PEX5L: variants seen among roughly 807,000 people sequenced by gnomAD.
The protein encoded by PEX5L is PEX5-related protein.
Under a neutral mutation model 84.0 loss-of-function variants are expected in PEX5L, and 30 were observed. The observed-to-expected ratio is 0.36, with a 90% confidence interval of 0.27 to 0.48. The LOEUF (loss-of-function observed/expected upper bound fraction) is 0.48, where lower values mean the gene tolerates loss of function less well. Ranked by LOEUF, PEX5L falls within the 20% of genes least tolerant of loss-of-function variation. The pLI is 0.99. For synonymous variants in PEX5L, 270 were observed against 283.1 expected (o/e 0.95, Z 0.46); for missense variants, 533 against 754.6 (o/e 0.71, Z 3.44).
intron 8 of PEX5L, among the ~76,000 whole-genome samples, chr3:179,830,354 A>G (rs561583481): frequency 7.5e-6 from 1 of 133,198 alleles, no homozygotes; most frequent in South Asian, 2.6e-4. Context: ...CAAAGTCTGG[A>G]TCTGGCTTCT....
chr3:179,966,030 G>T (rs1189671923), intron 2 of PEX5L, among the ~76,000 whole-genome samples: 4 of 152,142 alleles, frequency 2.6e-5, no homozygotes, highest in Non-Finnish European at 5.9e-5. Flanking sequence ...CTCCAATGCT[G>T]ATTTCAGATA....
In PEX5L at chr3:179,859,124, C is replaced by A; in HGVS notation, c.760G>T (p.Ala254Ser). The change falls in exon 8 of 15, where the codon GCA (alanine) becomes TCA (serine). Residue 254 changes from alanine to serine, a missense_variant. Ala to Ser is a moderately conservative substitution (Grantham distance 99, BLOSUM62 1). Around this residue, in one of 8 missense-constraint regions of PEX5L, gnomAD observed 259 missense variants for 301.7 expected, o/e 0.86. Coordinates refer to ENST00000467460, the MANE Select transcript of PEX5L (RefSeq NM_016559.3). ...AAGGAGTGGTTTCTAGAAAGTAATG[C>A]GCTTCCCCAGCGATGTTCTTTGGTC... ...RLTKEHRWGS[A>S]LLSRNHSLEE... 1 of 1,613,918 alleles carries A rather than the reference C, an allele frequency of 6.2e-7. No homozygotes were observed. The highest frequency in any genetic ancestry group is 8.5e-7 in the Non-Finnish European group (1 of 1,179,818).
chr3:179,897,417 G>T (rs1407719078), intron 3 of PEX5L, among the ~76,000 whole-genome samples: 1 of 152,100 alleles, frequency 6.6e-6, no homozygotes, highest in Non-Finnish European at 1.5e-5. Flanking sequence ...ATTTTACAGG[G>T]TGTTTCAAAA....
At chr3:179,886,823 G>A (rs1412979697) in intron 4 of PEX5L, among the ~76,000 whole-genome samples, 1 of 152,210 alleles carries the variant, frequency 6.6e-6, no homozygotes, top group Non-Finnish European at 1.5e-5. Context: ...CTGAGGCCAA[G>A]ATGACAAAAT....
At chr3:179,859,190 T>C (rs748316704) in intron 7 of PEX5L, 33 bp from the exon 8 acceptor site, 2 of 1,436,294 alleles carry the variant, frequency 1.4e-6, no homozygotes, top group Non-Finnish European at 9.8e-7. Flanking sequence ...TGTTATAATA[T>C]TAGAATCACA....
intron 1 of PEX5L, among the ~76,000 whole-genome samples, chr3:179,985,204 A>G (rs993866642): frequency 2.0e-5 from 3 of 152,238 alleles, no homozygotes; most frequent in African/African-American, 7.2e-5. Flanking sequence ...CCTCTAGAAC[A>G]GTGCCTAATA....
chr3:180,036,186 A>G (rs990130201), intron 1 of PEX5L, among the ~76,000 whole-genome samples: 1 of 152,212 alleles, frequency 6.6e-6, no homozygotes, highest in East Asian at 1.9e-4. Context: ...ACCTTTTCAG[A>G]TGGTAAAGGA....
intron 2 of PEX5L, among the ~76,000 whole-genome samples, chr3:179,912,773 C>T (rs116250444): frequency 1.3e-5 from 2 of 151,974 alleles, no homozygotes; most frequent in Non-Finnish European, 2.9e-5. Flanking sequence ...ACTAGCATTC[C>T]CAATTATTTT....
rs1390378846 is a variant in PEX5L at position 179,795,416 on chromosome 3, G to A, written c.*6412C>T. On this transcript the variant is annotated 3_prime_UTR_variant, in exon 15 of 15. Transcript: ENST00000467460. ...ATTAAACACATCAATATGATAAGAG[G>A]TTATTTTTATGGTAGTAATTTTATT... 1 of 152,120 alleles carries A rather than the reference G, an allele frequency of 6.6e-6. No individual in the cohort carries two copies. Among genetic ancestry groups the A allele is most frequent in the Non-Finnish European group, 1.5e-5 (1 of 68,030 alleles). The allele number at this position is 152,120 out of a possible 1,614,324, so 9.4% of individuals were successfully genotyped here.
intron 1 of PEX5L, among the ~76,000 whole-genome samples, chr3:179,980,091 G>A (rs947225536): frequency 6.6e-6 from 1 of 152,120 alleles, no homozygotes; most frequent in Non-Finnish European, 1.5e-5. Context: ...TTCCCTCGAT[G>A]TTTATACCTT....
At chr3:179,872,624 C>T (rs1043515561) in intron 7 of PEX5L, among the ~76,000 whole-genome samples, 1 of 152,144 alleles carries the variant, frequency 6.6e-6, no homozygotes, top group African/African-American at 2.4e-5. Flanking sequence ...GAGTTGCAGT[C>T]ACTGGAATAA....
intron 2 of PEX5L, among the ~76,000 whole-genome samples, chr3:179,916,123 C>T (rs1294335755): frequency 6.6e-6 from 1 of 152,124 alleles, no homozygotes; most frequent in Non-Finnish European, 1.5e-5. Context: ...GTGCCATATA[C>T]TTCATACATA....
chr3:179,923,060 C>T (rs1027436814), intron 2 of PEX5L, among the ~76,000 whole-genome samples: 5 of 151,806 alleles, frequency 3.3e-5, no homozygotes, highest in African/African-American at 4.8e-5. Context: ...GAGGCCGAGG[C>T]GGGCGGATCA....
chr3:179,946,953 T>C (rs1777714424), intron 2 of PEX5L, among the ~76,000 whole-genome samples: 1 of 152,238 alleles, frequency 6.6e-6, no homozygotes. Context: ...ATGTATATTA[T>C]TAACTCTGTC....
intron 2 of PEX5L, among the ~76,000 whole-genome samples, chr3:179,952,304 C>T (rs7642043): frequency 0.72 from 109,000 of 152,034 alleles, 39,646 homozygotes; most frequent in East Asian, 0.89. Context: ...TTTCAAATGT[C>T]GAGAAAGAAA....
intron 8 of PEX5L, among the ~76,000 whole-genome samples, chr3:179,828,902 T>C (rs911049165): frequency 1.3e-5 from 2 of 152,220 alleles, no homozygotes; most frequent in Admixed American, 6.5e-5. Context: ...ACATCTGCTG[T>C]GTGAATCAGA....
chr3:179,899,620 G>A (rs1373670552), intron 2 of PEX5L, among the ~76,000 whole-genome samples: 3 of 152,058 alleles, frequency 2.0e-5, no homozygotes, highest in African/African-American at 7.2e-5. Flanking sequence ...ATTTTCTCAG[G>A]CACTGACTTT....
intron 2 of PEX5L, among the ~76,000 whole-genome samples, chr3:179,910,010 A>G (rs886806139): frequency 2.0e-5 from 3 of 152,164 alleles, no homozygotes; most frequent in Admixed American, 2.0e-4. Flanking sequence ...TAATAGAACA[A>G]CCACCCATGA....
intron 8 of PEX5L, among the ~76,000 whole-genome samples, chr3:179,842,855 T>C (rs1344099085): frequency 6.6e-6 from 1 of 152,094 alleles, no homozygotes; most frequent in Non-Finnish European, 1.5e-5. Flanking sequence ...AAATCCTGCA[T>C]TTCCCCCCTT....
Sources: allele counts gnomAD v4.1 joint callset (sites outside exome capture counted in the v4.1 genomes callset), GRCh38; gene constraint gnomAD v4.1.1; regional missense constraint gnomAD v4.1.1; transcripts MANE v1.5; gene names NCBI Gene and HGNC (gene_info 2026-07-23, HGNC 2026-07-21).